The following MALRD1 variants were observed in gnomAD, a reference collection of about 807,000 sequenced individuals.
MALRD1 encodes the protein MAM and LDL-receptor class A domain-containing protein 1.
MALRD1 carries 247 observed loss-of-function variants against 242.1 expected under a neutral mutation model. The ratio of observed to expected loss-of-function variants is 1.02; its 90% CI spans 0.92 to 1.13. The LOEUF (loss-of-function observed/expected upper bound fraction) is 1.13. MALRD1 is among the 50% of genes most tolerant of loss of function. The pLI, the probability that MALRD1 is intolerant of heterozygous loss-of-function variation, is 0.00. For missense variants in MALRD1, 2,989 were observed against 2,533.1 expected, an observed-to-expected ratio of 1.18 and a Z score of -3.86; for synonymous variants, 995 against 866.6, an observed-to-expected ratio of 1.15 and a Z score of -2.60.
chr10:19,069,584 G>A (rs547620524), intron 2 of MALRD1, among the ~76,000 whole-genome samples: 1 of 151,982 alleles, frequency 6.6e-6, no homozygotes, highest in African/African-American at 2.4e-5. Context: ...TTCTGCTGGT[G>A]ATAAATTATG....
chr10:19,229,201 G>A (rs890372877), intron 18 of MALRD1, among the ~76,000 whole-genome samples: 10 of 152,020 alleles, frequency 6.6e-5, no homozygotes, highest in South Asian at 4.2e-4. Flanking sequence ...TTTAACCTAC[G>A]TAACAATATA....
At chr10:19,337,863 C>G (rs973302094) in intron 24 of MALRD1, among the ~76,000 whole-genome samples, 5 of 151,904 alleles carry the variant, frequency 3.3e-5, no homozygotes, top group Admixed American at 2.0e-4. Flanking sequence ...GAGATCAAGA[C>G]CATCCTAGCC....
In MALRD1 at chr10:19,331,480, C is replaced by A; in HGVS notation, c.3799C>A (p.His1267Asn). 6.4e-7 allele frequency: 1 copy of A among 1,550,394 alleles called. No homozygotes were observed. Among genetic ancestry groups the A allele is most frequent in the Non-Finnish European group, 8.7e-7 (1 of 1,146,818 alleles). Residue 1267 changes from histidine to asparagine, a missense_variant, in exon 24 of 40, where the codon CAT (histidine) becomes AAT (asparagine). Coordinates refer to ENST00000454679, the MANE Select transcript of MALRD1 (RefSeq NM_001142308.3). ...LLSPERKCTD[H>N]EFMCANKHCI... ...TAGCCCAGAGAGAAAGTGTACTGAT[C>A]ATGAATTCATGTGTGCTAATAAGCA...
chr10:19,342,509 C>T (rs759712105), intron 24 of MALRD1, among the ~76,000 whole-genome samples: 1 of 152,010 alleles, frequency 6.6e-6, no homozygotes, highest in East Asian at 1.9e-4. Context: ...ATTTGCATTT[C>T]TTGAGAGTTA....
chr10:19,529,969 T>G (rs1163557782), intron 31 of MALRD1, among the ~76,000 whole-genome samples: 1 of 152,074 alleles, frequency 6.6e-6, no homozygotes. Flanking sequence ...TTTGTAGACA[T>G]CAGTTCTTCC....
intron 24 of MALRD1, among the ~76,000 whole-genome samples, chr10:19,333,106 A>C (rs1035236807): frequency 6.6e-6 from 1 of 151,938 alleles, no homozygotes; most frequent in Non-Finnish European, 1.5e-5. Flanking sequence ...TTTATGATCC[A>C]ATGTTTTGCC....
intron 36 of MALRD1, among the ~76,000 whole-genome samples, chr10:19,621,380 A>G (rs1839395388): frequency 6.7e-6 from 1 of 149,138 alleles, no homozygotes; most frequent in East Asian, 2.0e-4. Flanking sequence ...GTAAGAATCA[A>G]TTGAACCCAA....
At chr10:19,624,147 A>C (rs1564493255) in intron 36 of MALRD1, among the ~76,000 whole-genome samples, 1 of 150,214 alleles carries the variant, frequency 6.7e-6, no homozygotes, top group Non-Finnish European at 1.5e-5. Flanking sequence ...GGACCTAACA[A>C]TTCCATTTAT....
chr10:19,112,315 G>T (rs1255764151), intron 5 of MALRD1, among the ~76,000 whole-genome samples: 1 of 151,870 alleles, frequency 6.6e-6, no homozygotes, highest in African/African-American at 2.4e-5. Context: ...GGTGGTGGTG[G>T]TTGGGGCAGG....
intron 32 of MALRD1, among the ~76,000 whole-genome samples, chr10:19,532,215 C>T (rs371763238): frequency 9.9e-5 from 15 of 152,226 alleles, no homozygotes; most frequent in Admixed American, 7.9e-4. Context: ...TTCAACATTT[C>T]ACAGTCAAAA....
chr10:19,275,851 G>A (rs1477059832), intron 19 of MALRD1, among the ~76,000 whole-genome samples: 1 of 152,028 alleles, frequency 6.6e-6, no homozygotes, highest in African/African-American at 2.4e-5. Flanking sequence ...ATGATTAATT[G>A]TAAATGTCTA....
rs375721583 is a variant in MALRD1, at chr10:19,624,009, A to G, written c.6137+8086A>G. On this transcript the variant is annotated intron_variant, in intron 36 of 39. Transcript: ENST00000454679. Reference sequence around the variant, plus strand: ...AGATGTCATTTCTCACCTCTTGAATAAGCAACATATTCTGATAGGAAAGAT... The same window carrying G: ...AGATGTCATTTCTCACCTCTTGAATGAGCAACATATTCTGATAGGAAAGAT... Among the ~76,000 whole-genome samples the G allele has an allele frequency of 9.8e-5, 15 of 152,294 alleles. 1 individual carries two copies. Among genetic ancestry groups the G allele is most frequent in the Non-Finnish European group, 1.9e-4 (13 of 68,014 alleles).
intron 32 of MALRD1, among the ~76,000 whole-genome samples, chr10:19,547,848 T>TTTA (rs1835305682): frequency 9.4e-6 from 1 of 106,692 alleles, no homozygotes; most frequent in African/African-American, 3.1e-5. Flanking sequence ...TTTTTTTTTT[T>TTTA]TACAAATTGA....
At chr10:19,395,203 TC>T (rs1440556330) in intron 28 of MALRD1, among the ~76,000 whole-genome samples, 1 of 152,176 alleles carries the variant, frequency 6.6e-6, no homozygotes, top group Non-Finnish European at 1.5e-5. Flanking sequence ...CTGAGACAGA[TC>T]TCAGTCAATT....
At chr10:19,050,252 T>G (rs1215409411) in intron 1 of MALRD1, among the ~76,000 whole-genome samples, 1 of 150,356 alleles carries the variant, frequency 6.7e-6, no homozygotes, top group African/African-American at 2.4e-5. Context: ...TACGCCCGGC[T>G]AATTTTTTGT....
chr10:19,729,591 T>C (rs1835192065), intron 38 of MALRD1, among the ~76,000 whole-genome samples: 1 of 146,874 alleles, frequency 6.8e-6, no homozygotes, highest in Admixed American at 6.7e-5. Flanking sequence ...TAGGATCCTT[T>C]CGTGTGTGTG....
intron 11 of MALRD1, among the ~76,000 whole-genome samples, chr10:19,149,654 A>T (rs886800996): frequency 6.6e-6 from 1 of 152,280 alleles, no homozygotes; most frequent in African/African-American, 2.4e-5. Context: ...GCTCCAAGTC[A>T]TCAAATACTA....
chr10:19,049,066 G>C lies in MALRD1; in HGVS notation c.128G>C (p.Gly43Ala). ...QGTESFQCDN[G>A]VSLPPDSICD... ...ACAGAAAGCTTTCAGTGTGACAATG[G>C]AGTCTCCTTGCCTCCTGACAGCATT... The change falls in exon 1 of 40, where the codon GGA becomes GCA. Residue 43 changes from glycine to alanine, a missense_variant. Physicochemically the swap from Gly to Ala is moderately conservative, Grantham distance 60. Transcript: ENST00000454679. 8.1e-7 allele frequency: 1 copy of C among 1,233,876 alleles called. No homozygotes were observed. The highest frequency in any genetic ancestry group is 1.5e-5 in the African/African-American group (1 of 64,606). The allele number at this position is 1,233,876 out of a possible 1,614,324, so 76.4% of individuals were successfully genotyped here.
At chr10:19,423,015 A>T (rs947193740) in intron 28 of MALRD1, among the ~76,000 whole-genome samples, 2 of 152,144 alleles carry the variant, frequency 1.3e-5, no homozygotes, top group Admixed American at 1.3e-4. Flanking sequence ...AGTGCTCACC[A>T]TAGATTTATG....
Sources: allele counts gnomAD v4.1 joint callset (sites outside exome capture counted in the v4.1 genomes callset), GRCh38; gene constraint gnomAD v4.1.1; transcripts MANE v1.5; gene names NCBI Gene and HGNC (gene_info 2026-07-23, HGNC 2026-07-21).